ABHD2: variants seen among roughly 807,000 people sequenced by gnomAD.
The protein encoded by ABHD2 is monoacylglycerol lipase ABHD2.
A neutral mutation model predicts 48.1 loss-of-function variants in ABHD2; 20 were observed. The ratio of observed to expected loss-of-function variants is 0.42; its 90% CI spans 0.29 to 0.60. The LOEUF is 0.60. Among genes scored for constraint, ABHD2 ranks in the 20% least tolerant of loss-of-function variants. ABHD2 has a pLI of 0.24. For missense variants in ABHD2, 405 were observed against 550.9 expected (o/e 0.74, Z 2.65); for synonymous variants, 209 against 214.2 (o/e 0.98, Z 0.21).
intron 1 of ABHD2, among the ~76,000 whole-genome samples, chr15:89,096,351 G>A (rs1007133565): frequency 6.6e-6 from 1 of 152,208 alleles, no homozygotes; most frequent in African/African-American, 2.4e-5. Context: ...AGTACTATTT[G>A]TACTGTTTGT....
At chr15:89,150,848 A>G (rs1053219301) in intron 3 of ABHD2, among the ~76,000 whole-genome samples, 1 of 152,262 alleles carries the variant, frequency 6.6e-6, no homozygotes, top group Admixed American at 6.5e-5. Flanking sequence ...AAGCCATGGA[A>G]GTGAAACCAA....
chr15:89,062,349 T>C, the ABHD2 span, among the ~76,000 whole-genome samples: 1 of 151,790 alleles, frequency 6.6e-6, no homozygotes, highest in Non-Finnish European at 1.5e-5. Flanking sequence ...TTGATTTTCG[T>C]TTGTTTTTGT....
rs980252878 is a variant in ABHD2 at position 89,174,110 on chromosome 15, A to G, written c.539-1702A>G. Among the ~76,000 whole-genome samples the G allele has an allele frequency of 1.3e-5, 2 of 152,110 alleles. No homozygotes were observed. The highest frequency in any genetic ancestry group is 2.9e-5 in the Non-Finnish European group (2 of 68,020). On this transcript the variant is annotated intron_variant, in intron 5 of 10. Transcript: ENST00000352732. The surrounding 1 kb of genome is among the most constrained non-coding windows in gnomAD (Gnocchi z 4.1). ...GGTATAAATGTGTAAAATTTCATTG[A>G]TTGTGCATTTTCCTGTATGTATGTT...
chr15:89,058,540 C>G, the ABHD2 span, among the ~76,000 whole-genome samples: 1 of 152,062 alleles, frequency 6.6e-6, no homozygotes, highest in Non-Finnish European at 1.5e-5. Context: ...GAACATGGCC[C>G]GAGGAGGTGC....
rs772949495 is a variant in ABHD2 at position 89,109,180 on chromosome 15, G to GC, written c.-106-4544dup. Reference sequence around the variant, plus strand: ...TTTAGCCAGGGGAGAGCAGAAAGAGGCATGGGAGACACAGCTCAGGCCTTC... The same window carrying GC: ...TTTAGCCAGGGGAGAGCAGAAAGAGGCCATGGGAGACACAGCTCAGGCCTTC... On this transcript the variant is annotated intron_variant, in intron 1 of 10. Transcript: ENST00000352732. 2.8e-4 allele frequency among the ~76,000 whole-genome samples: 43 copies of GC among 152,312 alleles called. 1 individual carries two copies. The highest frequency in any genetic ancestry group is 6.8e-3 in the Middle Eastern group (2 of 294).
intron 3 of ABHD2, among the ~76,000 whole-genome samples, chr15:89,148,968 T>C (rs190736737): frequency 1.3e-5 from 2 of 152,296 alleles, no homozygotes; most frequent in Admixed American, 6.5e-5. Context: ...TTTTTAAATT[T>C]TTTTCTTGTG....
intron 1 of ABHD2, among the ~76,000 whole-genome samples, chr15:89,098,808 G>T (rs2049655487): frequency 6.6e-6 from 1 of 152,120 alleles, no homozygotes; most frequent in African/African-American, 2.4e-5. Context: ...TATAAATTCT[G>T]GATGTTGCAC....
the ABHD2 span, among the ~76,000 whole-genome samples, chr15:89,082,326 C>T: frequency 1.3e-5 from 2 of 152,176 alleles, no homozygotes; most frequent in African/African-American, 2.4e-5. This position sits in a 1 kb window ranked among gnomAD's most constrained non-coding sequence, Gnocchi z 4.4. Flanking sequence ...TGCAACTATG[C>T]GAGGATATCC....
chr15:89,076,506 C>T, the ABHD2 span, among the ~76,000 whole-genome samples: 1 of 152,148 alleles, frequency 6.6e-6, no homozygotes, highest in African/African-American at 2.4e-5. Flanking sequence ...CTTTTTGAGA[C>T]AGGATCTTGC....
At chr15:89,157,625 C>T (rs145359017) in intron 5 of ABHD2, among the ~76,000 whole-genome samples, 2,594 of 152,214 alleles carry the variant, frequency 0.017, 30 homozygotes, top group Middle Eastern at 0.051. Flanking sequence ...AGGCAGATCA[C>T]GAGGTCAGGA....
In ABHD2 at chr15:89,195,602, A is replaced by C. The variant is rs2051388559; in HGVS notation, c.*179A>C. ...CAGCTCTTCCTGGGAGCTCCAGGCT[A>C]TTTTTGTGCTTAGTTACTGGTTTTC... On this transcript the variant is annotated 3_prime_UTR_variant, in exon 11 of 11. Transcript: ENST00000352732. The surrounding 1 kb of genome is among the most constrained non-coding windows in gnomAD (Gnocchi z 5.1). The C allele has an allele frequency of 3.3e-6, 2 of 608,570 alleles. No homozygotes were observed. Among genetic ancestry groups the C allele is most frequent in the African/African-American group, 3.8e-5 (2 of 53,206 alleles). The allele number at this position is 608,570 out of a possible 1,614,324, so 37.7% of individuals were successfully genotyped here. A position where few individuals can be genotyped will look rare whatever the true frequency, so the allele number is the denominator to read the frequency against.
At chr15:89,193,113 C>T (rs2051334571) in intron 9 of ABHD2, 122 bp from the exon 10 acceptor site, 1 of 866,000 alleles carries the variant, frequency 1.2e-6, no homozygotes, top group Non-Finnish European at 1.9e-6. Flanking sequence ...GTTCAGCAAG[C>T]TGAGCTGTGA....
Position 89,188,333 on chromosome 15 carries a change from T to C in ABHD2, c.926+30T>C. 6.2e-7 allele frequency: 1 copy of C among 1,604,744 alleles called. No individual in the cohort carries two copies. The highest frequency in any genetic ancestry group is 8.5e-7 in the Non-Finnish European group (1 of 1,172,288). On this transcript the variant is annotated intron_variant, in intron 8 of 10. Transcript: ENST00000352732. This position sits in a 1 kb window ranked among gnomAD's most constrained non-coding sequence, Gnocchi z 4.1. The stretch of plus-strand genomic sequence containing the variant: ...GTCCGCGCAGGCGGGAGAGGGACGC[T>C]CTGGGGCAGGGTGCCAGGCAGGAGG...
chr15:89,133,986 G>A (rs1049337521), intron 3 of ABHD2, among the ~76,000 whole-genome samples: 14 of 151,860 alleles, frequency 9.2e-5, no homozygotes, highest in African/African-American at 2.7e-4. Flanking sequence ...ACGGGTGCCT[G>A]CCACCACGAC....
At chr15:89,061,533 C>G in the ABHD2 span, among the ~76,000 whole-genome samples, 2 of 152,050 alleles carry the variant, frequency 1.3e-5, no homozygotes. Context: ...TGTAATAAAC[C>G]CGCACATATA....
intron 3 of ABHD2, among the ~76,000 whole-genome samples, chr15:89,133,384 A>G (rs1440070820): frequency 2.0e-5 from 3 of 152,192 alleles, no homozygotes; most frequent in Non-Finnish European, 4.4e-5. Flanking sequence ...CGCACCTGTC[A>G]GTATAGGATA....
At chr15:89,157,859 T>A (rs2050699691) in intron 5 of ABHD2, among the ~76,000 whole-genome samples, 1 of 151,406 alleles carries the variant, frequency 6.6e-6, no homozygotes, top group African/African-American at 2.4e-5. Flanking sequence ...TTAAAAAAAA[T>A]AAATAAATAG....
rs1008756387 is a variant in ABHD2 at position 89,195,673 on chromosome 15, C to T, written c.*250C>T. 1 of 430,342 alleles carries T rather than the reference C, an allele frequency of 2.3e-6. No individual in the cohort carries two copies. Among genetic ancestry groups the T allele is most frequent in the Non-Finnish European group, 4.1e-6 (1 of 241,674 alleles). The allele number at this position is 430,342 out of a possible 1,614,324, so 26.7% of individuals were successfully genotyped here. A position where few individuals can be genotyped will look rare whatever the true frequency, so the allele number is the denominator to read the frequency against. On this transcript the variant is annotated 3_prime_UTR_variant, in exon 11 of 11. Transcript: ENST00000352732. The surrounding 1 kb of genome is among the most constrained non-coding windows in gnomAD (Gnocchi z 5.1). Reference sequence around the variant, plus strand: ...GGTGACAAGTGACAGAGTTCTTGCCCTCTGTCCAGTTTCAGCATCTGGTTG... The same window carrying T: ...GGTGACAAGTGACAGAGTTCTTGCCTTCTGTCCAGTTTCAGCATCTGGTTG...
chr15:89,068,057 G>T, the ABHD2 span, among the ~76,000 whole-genome samples: 5 of 152,112 alleles, frequency 3.3e-5, no homozygotes, highest in Non-Finnish European at 4.4e-5. Context: ...AGACTTCATA[G>T]TCTTTTTCTG....
Sources: gnomAD v4.1 joint callset for allele counts (sites outside exome capture counted in the v4.1 genomes callset) on GRCh38, gnomAD v4.1.1 for gene constraint, Gnocchi (gnomAD v3.1) non-coding constraint, MANE v1.5 for transcripts, NCBI Gene and HGNC (gene_info 2026-07-23, HGNC 2026-07-21) for gene names.